ZNF10: variants seen among roughly 807,000 people sequenced by gnomAD.
ZNF10 encodes zinc finger protein 10, also known as zinc finger protein 10 (KOX 1).
In ZNF10, 8 loss-of-function variants were observed where a neutral mutation model predicts 12.2. The ratio of observed to expected loss-of-function variants is 0.66; its 90% CI spans 0.39 to 1.18. The LOEUF (loss-of-function observed/expected upper bound fraction) is 1.18. Ranked by LOEUF, ZNF10 falls within the 50% of genes most tolerant of loss-of-function variation. The pLI is 0.01. For missense variants in ZNF10, 603 were observed against 678.9 expected, an observed-to-expected ratio of 0.89 and a Z score of 1.24; for synonymous variants, 229 against 228.2, an observed-to-expected ratio of 1.00 and a Z score of -0.03.
At chr12:133,143,088 C>A (rs748784381) in intron 1 of ZNF10, among the ~76,000 whole-genome samples, 57 of 152,158 alleles carry the variant, frequency 3.7e-4, no homozygotes, top group Admixed American at 8.5e-4. Flanking sequence ...AAGCCAGACT[C>A]GAAAGGGCAA....
intron 1 of ZNF10, among the ~76,000 whole-genome samples, chr12:133,132,269 AT>A (rs34602690): frequency 1.0e-3 from 142 of 141,054 alleles, no homozygotes; most frequent in Middle Eastern, 3.7e-3. Flanking sequence ...AAATCTGAGA[AT>A]TTTTTTTTTT....
intron 1 of ZNF10, chr12:133,144,205 GT>G: frequency 3.8e-6 from 1 of 264,456 alleles, no homozygotes; most frequent in Admixed American, 4.9e-5. Flanking sequence ...TTCAAATGTG[GT>G]GTGGAACTCC....
At chr12:133,141,099 G>A (rs1310178594) in intron 1 of ZNF10, among the ~76,000 whole-genome samples, 2 of 152,124 alleles carry the variant, frequency 1.3e-5, no homozygotes, top group African/African-American at 2.4e-5. Context: ...TGGATAGGTC[G>A]TGTCTACCCA....
At chr12:133,140,091 TACTC>T (rs1298995146) in intron 1 of ZNF10, among the ~76,000 whole-genome samples, 5 of 149,266 alleles carry the variant, frequency 3.3e-5, no homozygotes, top group Admixed American at 1.4e-4. Context: ...TGGTCCCAGA[TACTC>T]AGGAGGCTGA....
chr12:133,131,858 G>T (rs965386135), intron 1 of ZNF10, among the ~76,000 whole-genome samples: 12 of 152,016 alleles, frequency 7.9e-5, no homozygotes, highest in African/African-American at 2.7e-4. Flanking sequence ...CTGCTTATCA[G>T]TATTTTATAT....
chr12:133,136,683 G>A (rs1025743277), intron 1 of ZNF10, among the ~76,000 whole-genome samples: 6 of 152,160 alleles, frequency 3.9e-5, no homozygotes, highest in African/African-American at 1.4e-4. Flanking sequence ...TATGAAATAT[G>A]TCACAGGGTT....
rs1267372425 is a variant in ZNF10 at position 133,156,868 on chromosome 12, G to C, written c.1622G>C (p.Gly541Ala). 6.6e-7 allele frequency: 1 copy of C among 1,524,312 alleles called. No homozygotes were observed. The highest frequency in any genetic ancestry group is 2.3e-5 in the East Asian group (1 of 44,196). The allele number at this position is 1,524,312 out of a possible 1,614,324, so 94.4% of individuals were successfully genotyped here. Residue 541 changes from glycine to alanine, a missense_variant, in exon 5 of 5, where the codon GGA (glycine) becomes GCA (alanine). Gly to Ala is a moderately conservative substitution (Grantham distance 60). This residue lies in a region of ZNF10 where 204 missense variants were observed against 262.8 expected (regional missense o/e 0.78). Transcript: ENST00000248211. ...PFIVHQIAHT[G>A]EQFLTCNQCG... The stretch of plus-strand genomic sequence containing the variant: ...ATAGTTCATCAAATAGCTCACACTG[G>C]AGAGCAGTTCTTAACATGCAATCAA...
intron 4 of ZNF10, 53 bp from the exon 5 acceptor site, chr12:133,155,450 A>G: frequency 6.6e-7 from 1 of 1,515,262 alleles, no homozygotes; most frequent in Non-Finnish European, 8.8e-7. Flanking sequence ...ACATCCTAGC[A>G]TTCTCACCTT....
chr12:133,156,900 A>G lies in ZNF10; in HGVS notation c.1654A>G (p.Thr552Ala). 2 of 1,513,064 alleles carry G rather than the reference A, an allele frequency of 1.3e-6. No individual in the cohort carries two copies. Among genetic ancestry groups the G allele is most frequent in the Non-Finnish European group, 1.8e-6 (2 of 1,132,542 alleles). The allele number at this position is 1,513,064 out of a possible 1,614,324, so 93.7% of individuals were successfully genotyped here. A position where few individuals can be genotyped will look rare whatever the true frequency, so the allele number is the denominator to read the frequency against. The change falls in exon 5 of 5, where the codon ACA (threonine) becomes GCA (alanine). Residue 552 changes from threonine (T) to alanine (A), a missense_variant. Thr to Ala is a moderately conservative substitution (Grantham distance 58). Coordinates refer to ENST00000248211, the MANE Select transcript of ZNF10 (RefSeq NM_015394.5). Reference protein sequence around the residue: ...EQFLTCNQCGTALVNTSNLIG... With the variant: ...EQFLTCNQCGAALVNTSNLIG... Reference sequence around the variant, plus strand: ...GTTCTTAACATGCAATCAATGTGGGACAGCGCTTGTTAATACCTCTAACCT... The same window carrying G: ...GTTCTTAACATGCAATCAATGTGGGGCAGCGCTTGTTAATACCTCTAACCT...
Position 133,151,136 on chromosome 12 carries a change from A to G in ZNF10, c.142A>G (p.Lys48Glu), listed in dbSNP as rs773256742. The change falls in exon 3 of 5, where the codon AAG becomes GAG. Residue 48 changes from lysine (K) to glutamate (E), a missense_variant. This residue lies in a region of ZNF10 where 393 missense variants were observed against 399.7 expected (regional missense o/e 0.98). Transcript: ENST00000248211. Reference protein sequence around the residue: ...VYRNVMLENYKNLVSLGYQLT... With the variant: ...VYRNVMLENYENLVSLGYQLT... ...CAGAAATGTGATGCTGGAGAACTAT[A>G]AGAACCTGGTTTCCTTGGGTAAGAC... 7 of 1,613,106 alleles carry G rather than the reference A, an allele frequency of 4.3e-6. No homozygotes were observed. The highest frequency in any genetic ancestry group is 5.9e-6 in the Non-Finnish European group (7 of 1,179,318).
chr12:133,153,777 CAT>C (rs1956022529), intron 4 of ZNF10, among the ~76,000 whole-genome samples: 1 of 152,158 alleles, frequency 6.6e-6, no homozygotes. Context: ...CAAAATGTAT[CAT>C]GTCACAGCTG....
At chr12:133,153,618 C>G (rs1375418904) in intron 4 of ZNF10, among the ~76,000 whole-genome samples, 1 of 151,832 alleles carries the variant, frequency 6.6e-6, no homozygotes, top group African/African-American at 2.4e-5. Context: ...TAGGAACTAA[C>G]TAAGTGGTAA....
intron 3 of ZNF10, 51 bp from the exon 4 acceptor site, chr12:133,151,758 C>T: frequency 6.7e-7 from 1 of 1,495,954 alleles, no homozygotes; most frequent in Non-Finnish European, 9.3e-7. Flanking sequence ...TCGTGCCTAC[C>T]TCAGAGCTCC....
rs571403610 is a variant in ZNF10 at position 133,146,469 on chromosome 12, A to G, written c.33+1944A>G. ...ATTCCATTTAAAATTTTTTTTTTACATACAGTAACGTTTTCCACTTTGGAT... is the reference window on the plus strand; with the variant it reads ...ATTCCATTTAAAATTTTTTTTTTACGTACAGTAACGTTTTCCACTTTGGAT... On this transcript the variant is annotated intron_variant, in intron 2 of 4. Coordinates refer to ENST00000248211, the MANE Select transcript of ZNF10 (RefSeq NM_015394.5). 1.5e-4 allele frequency among the ~76,000 whole-genome samples: 23 copies of G among 152,290 alleles called. No homozygotes were observed. In the South Asian group the frequency reaches 3.5e-3, roughly 23 times the overall value.
chr12:133,137,435 A>G (rs1025164083), intron 1 of ZNF10, among the ~76,000 whole-genome samples: 5 of 152,190 alleles, frequency 3.3e-5, no homozygotes, highest in Non-Finnish European at 7.4e-5. Flanking sequence ...AACTATATGC[A>G]CTAGAAGTAT....
chr12:133,148,253 TG>T (rs1955987146), intron 2 of ZNF10, among the ~76,000 whole-genome samples: 1 of 152,148 alleles, frequency 6.6e-6, no homozygotes, highest in Non-Finnish European at 1.5e-5. Flanking sequence ...CCGAAGTAGC[TG>T]GGATTACTTG....
chr12:133,156,610 A>G lies in ZNF10; in HGVS notation c.1364A>G (p.His455Arg). 6.2e-7 allele frequency: 1 copy of G among 1,614,090 alleles called. No individual in the cohort carries two copies. Among genetic ancestry groups the G allele is most frequent in the Non-Finnish European group, 8.5e-7 (1 of 1,179,992 alleles). Residue 455 changes from histidine (H) to arginine (R), a missense_variant, in exon 5 of 5, where the codon CAC (histidine) becomes CGC (arginine). Transcript: ENST00000248211. The part of the protein sequence containing the change: ...SSHLYSHQRT[H>R]TGEKPYECHD... ...CACCTTTATTCACATCAAAGAACCC[A>G]CACTGGAGAGAAACCATATGAGTGT...
chr12:133,155,686 T>C lies in ZNF10; in HGVS notation c.440T>C (p.Leu147Ser). The change falls in exon 5 of 5, where the codon TTG becomes TCG. Residue 147 changes from leucine (L) to serine (S), a missense_variant. By Grantham distance (145) the Leu-to-Ser change is moderately radical. Transcript: ENST00000248211. ...DKYQENPERH[L>S]RQVAFTQKKV... The stretch of plus-strand genomic sequence containing the variant: ...TATCAGGAAAACCCAGAGAGACATT[T>C]GAGGCAAGTGGCATTCACCCAAAAG... 1 of 1,612,580 alleles carries C rather than the reference T, an allele frequency of 6.2e-7. No individual in the cohort carries two copies. Among genetic ancestry groups the C allele is most frequent in the Non-Finnish European group, 8.5e-7 (1 of 1,179,604 alleles).
chr12:133,143,364 A>T (rs1483315683), intron 1 of ZNF10, among the ~76,000 whole-genome samples: 4 of 152,182 alleles, frequency 2.6e-5, no homozygotes, highest in African/African-American at 4.8e-5. Context: ...ACTGCAATTT[A>T]AAAAATTATA....
Sources: gnomAD v4.1 joint callset for allele counts (sites outside exome capture counted in the v4.1 genomes callset) on GRCh38, gnomAD v4.1.1 for gene constraint, gnomAD v4.1.1 regional missense constraint, MANE v1.5 for transcripts, NCBI Gene and HGNC (gene_info 2026-07-23, HGNC 2026-07-21) for gene names.